Variants in DAB2IP observed in about 807,000 individuals in gnomAD.
DAB2IP encodes the protein disabled homolog 2-interacting protein.
Under a neutral mutation model 107.2 loss-of-function variants are expected in DAB2IP, and 28 were observed. The ratio of observed to expected loss-of-function variants is 0.26; its 90% CI spans 0.19 to 0.36. The LOEUF (loss-of-function observed/expected upper bound fraction) is 0.36. DAB2IP is among the 10% of genes least tolerant of loss of function. The pLI, the probability that DAB2IP is intolerant of heterozygous loss-of-function variation, is 1.00. For synonymous variants in DAB2IP, 755 were observed against 706.4 expected, an observed-to-expected ratio of 1.07 and a Z score of -1.09; for missense variants, 1,400 against 1,644.7, an observed-to-expected ratio of 0.85 and a Z score of 2.57.
chr9:121,580,637 T>C (rs1475531663), intron 1 of DAB2IP, among the ~76,000 whole-genome samples: 1 of 151,920 alleles, frequency 6.6e-6, no homozygotes, highest in Non-Finnish European at 1.5e-5. Context: ...CTTTTTTTTT[T>C]TTTCTGAGAT....
chr9:121,645,982 C>T (rs565871376), intron 1 of DAB2IP, among the ~76,000 whole-genome samples: 16 of 152,246 alleles, frequency 1.1e-4, no homozygotes, highest in Admixed American at 2.6e-4. Flanking sequence ...AGGTATCACA[C>T]GGTGACCCCC....
In DAB2IP at chr9:121,651,868, C is replaced by G. The variant is rs1349474418; in HGVS notation, c.93C>G (p.Ser31Arg). Residue 31 changes from serine to arginine, a missense_variant, in exon 1 of 16, where the codon AGC (serine) becomes AGG (arginine). By Grantham distance (110) the Ser-to-Arg change is moderately radical (BLOSUM62 -1). This residue lies in a region of DAB2IP where 283 missense variants were observed against 237.0 expected (regional missense o/e 1.19). Coordinates refer to ENST00000408936, the Ensembl canonical transcript of DAB2IP. The surrounding 1 kb of genome is among the most constrained non-coding windows in gnomAD (Gnocchi z 5.1). ...GGCCCCGGCTGCAGCGACAGAGGAG[C>G]CGCTCCCGCAGCCGGACCCGGCCTG... 6.9e-7 allele frequency: 1 copy of G among 1,447,384 alleles called. No homozygotes were observed. 89.7% of individuals were successfully genotyped at this position (1,447,384 alleles called of 1,614,324 possible).
At chr9:121,586,943 C>T (rs1331488280) in intron 1 of DAB2IP, among the ~76,000 whole-genome samples, 1 of 152,200 alleles carries the variant, frequency 6.6e-6, no homozygotes, top group Non-Finnish European at 1.5e-5. Context: ...AAGCTCAGGA[C>T]CTCTGAGTCA....
intron 3 of DAB2IP, among the ~76,000 whole-genome samples, chr9:121,706,381 C>T (rs1438728988): frequency 6.6e-6 from 1 of 152,162 alleles, no homozygotes; most frequent in East Asian, 1.9e-4. Context: ...ACCCCCCAGT[C>T]AGAGCCTGGG....
intron 3 of DAB2IP, among the ~76,000 whole-genome samples, chr9:121,739,265 A>G (rs1832145579): frequency 6.6e-6 from 1 of 152,212 alleles, no homozygotes; most frequent in South Asian, 2.1e-4. Flanking sequence ...AGCAGCAAGT[A>G]CAAAGTCCTT....
At chr9:121,777,807 G>A (rs1409365948) in intron 14 of DAB2IP, among the ~76,000 whole-genome samples, 3 of 151,948 alleles carry the variant, frequency 2.0e-5, no homozygotes, top group South Asian at 4.1e-4. Flanking sequence ...ACTATTCTTA[G>A]GTGCATATAC....
chr9:121,748,187 G>C (rs555918382), intron 3 of DAB2IP, among the ~76,000 whole-genome samples: 2 of 152,212 alleles, frequency 1.3e-5, no homozygotes, highest in Admixed American at 6.5e-5. Flanking sequence ...GTAGCTCAGC[G>C]TGTGAGGAAA....
At chr9:121,622,206 T>C (rs987315529) in intron 1 of DAB2IP, among the ~76,000 whole-genome samples, 1 of 152,028 alleles carries the variant, frequency 6.6e-6, no homozygotes, top group African/African-American at 2.4e-5. Flanking sequence ...GCCACGATGG[T>C]CTCGATTTCC....
At chr9:121,711,235 G>A (rs535173984) in intron 3 of DAB2IP, among the ~76,000 whole-genome samples, 7 of 152,300 alleles carry the variant, frequency 4.6e-5, no homozygotes, top group Admixed American at 2.6e-4. Context: ...GTTAATGGGC[G>A]TTTGCGATGA....
intron 1 of DAB2IP, among the ~76,000 whole-genome samples, chr9:121,622,550 T>C (rs1385850722): frequency 1.3e-5 from 2 of 152,184 alleles, no homozygotes; most frequent in African/African-American, 2.4e-5. Flanking sequence ...CTGGGCTCCA[T>C]GGCCGGGAGC....
intron 1 of DAB2IP, among the ~76,000 whole-genome samples, chr9:121,580,253 C>T (rs981876261): frequency 6.6e-6 from 1 of 152,170 alleles, no homozygotes; most frequent in African/African-American, 2.4e-5. Flanking sequence ...AGCACGCACC[C>T]AGGGAAGCAT....
intron 2 of DAB2IP, among the ~76,000 whole-genome samples, chr9:121,679,907 T>C (rs1402734426): frequency 1.5e-4 from 23 of 152,156 alleles, no homozygotes; most frequent in Admixed American, 1.5e-3. Context: ...TGCAAAGGTA[T>C]GGAGGCACCC....
chr9:121,771,935 C>A (rs570443604), intron 11 of DAB2IP, among the ~76,000 whole-genome samples: 359 of 152,140 alleles, frequency 2.4e-3, no homozygotes, highest in Non-Finnish European at 3.9e-3. Flanking sequence ...TGCTTTCTTC[C>A]AAGGAGCTAG....
At chr9:121,581,659 T>C (rs528983519) in intron 1 of DAB2IP, among the ~76,000 whole-genome samples, 2 of 152,296 alleles carry the variant, frequency 1.3e-5, no homozygotes, top group Non-Finnish European at 2.9e-5. Context: ...TGCTTCCCAC[T>C]GTGTGCATCC....
At chr9:121,620,145 C>T (rs1288891964) in intron 1 of DAB2IP, among the ~76,000 whole-genome samples, 1 of 152,216 alleles carries the variant, frequency 6.6e-6, no homozygotes, top group Non-Finnish European at 1.5e-5. Context: ...TGACCCCCTG[C>T]TGCAGCCTTC....
chr9:121,668,675 A>G (rs1303436237), intron 1 of DAB2IP, among the ~76,000 whole-genome samples: 2 of 151,998 alleles, frequency 1.3e-5, no homozygotes, highest in African/African-American at 2.4e-5. Flanking sequence ...TAATTTTACT[A>G]TTAGTTTTGG....
Position 121,678,784 on chromosome 9 carries a change from A to G in DAB2IP, c.228+3A>G. On this transcript the variant is annotated splice_donor_region_variant and intron_variant, in intron 2 of 15. Transcript: ENST00000408936. ...CCGCCACGCCGTTCCGGGTCACGGT[A>G]ACTATCTCTGCGTCACCAACACCGC... 6.3e-7 allele frequency: 1 copy of G among 1,578,684 alleles called. No individual in the cohort carries two copies. The highest frequency in any genetic ancestry group is 8.6e-7 in the Non-Finnish European group (1 of 1,160,532).
chr9:121,671,410 A>G lies in DAB2IP; in HGVS notation c.125-7268A>G, dbSNP rs200777162. Reference sequence around the variant, plus strand: ...TAATTCAGGATGATTTCCCATCTCAAAATCCTTAACCTCAACCACATCTGC... The same window carrying G: ...TAATTCAGGATGATTTCCCATCTCAGAATCCTTAACCTCAACCACATCTGC... On this transcript the variant is annotated intron_variant, in intron 1 of 15. Coordinates refer to ENST00000408936, the Ensembl canonical transcript of DAB2IP. 3.9e-5 allele frequency among the ~76,000 whole-genome samples: 6 copies of G among 152,220 alleles called. No individual in the cohort carries two copies. The East Asian group carries it at 9.6e-4, about 24-fold the overall frequency.
chr9:121,773,584 T>G (rs1032001571), intron 12 of DAB2IP, 89 bp downstream of exon 12: 26 of 1,316,140 alleles, frequency 2.0e-5, no homozygotes, highest in Non-Finnish European at 2.5e-5. Flanking sequence ...TCTCGGTCAT[T>G]TCACCTCCAC....
Sources: gnomAD v4.1 joint callset for allele counts (sites outside exome capture counted in the v4.1 genomes callset) on GRCh38, gnomAD v4.1.1 for gene constraint, gnomAD v4.1.1 regional missense constraint, Gnocchi (gnomAD v3.1) non-coding constraint, MANE v1.5 for transcripts, NCBI Gene and HGNC (gene_info 2026-07-23, HGNC 2026-07-21) for gene names.